The following FBXL17 variants were observed in gnomAD, a reference collection of about 807,000 sequenced individuals.
FBXL17 encodes the protein F-box and leucine rich repeat protein 17.
FBXL17 carries 22 observed loss-of-function variants against 66.2 expected under a neutral mutation model. The ratio of observed to expected loss-of-function variants is 0.33; its 90% confidence interval spans 0.24 to 0.47. The LOEUF is 0.47. FBXL17 is among the 20% of genes least tolerant of loss of function. The probability of loss-of-function intolerance (pLI) is 1.00; values close to 1 mark genes in which losing one functional copy is unlikely to be tolerated. For missense variants in FBXL17, 878 were observed against 948.2 expected (o/e 0.93, Z 0.97); for synonymous variants, 474 against 400.5 (o/e 1.18, Z -2.19).
rs1346476604 is a variant in FBXL17 at position 107,995,351 on chromosome 5, T to C, written c.1822+25574A>G. Among the ~76,000 whole-genome samples, 3 of 152,334 alleles carry C rather than the reference T, an allele frequency of 2.0e-5. No individual in the cohort carries two copies. In the East Asian group the frequency reaches 5.8e-4, roughly 29 times the overall value. On this transcript the variant is annotated intron_variant, in intron 7 of 8. Coordinates refer to ENST00000542267, the MANE Select transcript of FBXL17 (RefSeq NM_001163315.3). ...TAAAACACATGCTGTTTGAAAAATT[T>C]GGAATAATCTTGCATATGACTTAGC...
chr5:108,019,255 A>G (rs1019120026), intron 7 of FBXL17, among the ~76,000 whole-genome samples: 10 of 152,158 alleles, frequency 6.6e-5, no homozygotes, highest in African/African-American at 2.2e-4. Context: ...CCTAAGGTCA[A>G]AGAACAAAGA....
intron 6 of FBXL17, among the ~76,000 whole-genome samples, chr5:108,050,814 C>T (rs534046454): frequency 1.8e-4 from 27 of 151,638 alleles, no homozygotes; most frequent in Admixed American, 9.9e-4. Flanking sequence ...GCTAGCTAGA[C>T]TAATAAAGAA....
intron 1 of FBXL17, among the ~76,000 whole-genome samples, chr5:108,368,715 T>C (rs1203972330): frequency 1.3e-5 from 2 of 152,074 alleles, no homozygotes; most frequent in African/African-American, 4.8e-5. Context: ...CTAATAGTAA[T>C]GTACAATGCT....
chr5:108,074,012 C>A (rs905484809), intron 6 of FBXL17, among the ~76,000 whole-genome samples: 36 of 152,204 alleles, frequency 2.4e-4, no homozygotes, highest in Admixed American at 4.6e-4. Flanking sequence ...TCCACTCTCC[C>A]CCATAGCCTC....
At chr5:108,278,953 C>A (rs1561503472) in intron 4 of FBXL17, among the ~76,000 whole-genome samples, 1 of 152,188 alleles carries the variant, frequency 6.6e-6, no homozygotes, top group Non-Finnish European at 1.5e-5. Flanking sequence ...CCCAATCCAC[C>A]ACCTGGTACA....
At chr5:108,233,354 G>C (rs572981618) in intron 4 of FBXL17, among the ~76,000 whole-genome samples, 2 of 152,218 alleles carry the variant, frequency 1.3e-5, no homozygotes, top group South Asian at 4.1e-4. Flanking sequence ...TTGAAAAGAC[G>C]ATACACTATA....
intron 3 of FBXL17, among the ~76,000 whole-genome samples, chr5:108,349,594 G>A (rs1461199624): frequency 6.6e-6 from 1 of 152,130 alleles, no homozygotes; most frequent in Admixed American, 6.5e-5. Flanking sequence ...CATGAAGACA[G>A]CAGTTTGTCT....
chr5:108,025,287 A>G (rs1754759183), intron 6 of FBXL17, among the ~76,000 whole-genome samples: 1 of 152,302 alleles, frequency 6.6e-6, no homozygotes, highest in East Asian at 1.9e-4. Flanking sequence ...AAATGTCCCC[A>G]GCAGAGATGC....
chr5:108,236,003 C>T (rs1561480750), intron 4 of FBXL17, among the ~76,000 whole-genome samples: 1 of 150,628 alleles, frequency 6.6e-6, no homozygotes, highest in East Asian at 1.9e-4. Context: ...GAGAGAATTT[C>T]CAAAAAAATC....
At chr5:108,274,057 T>A (rs574434780) in intron 4 of FBXL17, among the ~76,000 whole-genome samples, 2 of 152,160 alleles carry the variant, frequency 1.3e-5, no homozygotes, top group South Asian at 4.2e-4. Flanking sequence ...TAAGAAAGAA[T>A]GAAAAATAAT....
At chr5:107,880,952 A>T in intron 8 of FBXL17, 85 bp downstream of exon 8, 1 of 1,609,208 alleles carries the variant, frequency 6.2e-7, no homozygotes, top group South Asian at 1.1e-5. Flanking sequence ...ACGGGGGTGG[A>T]GATAGAGAAG....
At chr5:107,863,613 AGT>A (rs1748194695) in intron 8 of FBXL17, among the ~76,000 whole-genome samples, 1 of 141,812 alleles carries the variant, frequency 7.1e-6, no homozygotes, top group Admixed American at 7.3e-5. Context: ...ATGATTGCTT[AGT>A]TTAATGTCTA....
intron 5 of FBXL17, among the ~76,000 whole-genome samples, chr5:108,204,197 C>T (rs1754015736): frequency 6.6e-6 from 1 of 151,774 alleles, no homozygotes. Context: ...AATATAAGGT[C>T]TTTTCTTTTT....
At chr5:108,315,377 G>T (rs1186498252) in intron 4 of FBXL17, among the ~76,000 whole-genome samples, 6 of 151,142 alleles carry the variant, frequency 4.0e-5, no homozygotes, top group Admixed American at 4.0e-4. Context: ...GCTTTTAAGC[G>T]ACAAGATGAA....
At chr5:108,025,502 G>C (rs574992246) in intron 6 of FBXL17, among the ~76,000 whole-genome samples, 2 of 152,168 alleles carry the variant, frequency 1.3e-5, no homozygotes, top group East Asian at 3.9e-4. Flanking sequence ...GGTATGTTTA[G>C]GTTGAATAAA....
chr5:108,037,249 C>T (rs1401142042), intron 6 of FBXL17, among the ~76,000 whole-genome samples: 2 of 151,866 alleles, frequency 1.3e-5, no homozygotes, highest in Non-Finnish European at 2.9e-5. Flanking sequence ...TTATAAAGTG[C>T]CATTAATTTC....
chr5:108,268,370 C>G (rs988681046), intron 4 of FBXL17, among the ~76,000 whole-genome samples: 9 of 151,836 alleles, frequency 5.9e-5, no homozygotes, highest in Non-Finnish European at 1.0e-4. Context: ...ACTTTCGAAG[C>G]ATTTTATCTC....
intron 7 of FBXL17, among the ~76,000 whole-genome samples, chr5:108,009,308 T>TATATATATAGATAGATAGATATATACAC: frequency 2.4e-5 from 1 of 42,220 alleles, no homozygotes; most frequent in African/African-American, 8.8e-5. Context: ...TATACATATA[T>TATATATATAGATAGATAGATATATACAC]ACATACACAT....
At chr5:107,979,539 G>T (rs1470351718) in intron 7 of FBXL17, among the ~76,000 whole-genome samples, 6 of 152,198 alleles carry the variant, frequency 3.9e-5, no homozygotes, top group Non-Finnish European at 5.9e-5. Context: ...TTGGAAAGCT[G>T]GTTCTCCAAG....
Sources: gnomAD v4.1 joint callset for allele counts (sites outside exome capture counted in the v4.1 genomes callset) on GRCh38, gnomAD v4.1.1 for gene constraint, MANE v1.5 for transcripts, NCBI Gene and HGNC (gene_info 2026-07-23, HGNC 2026-07-21) for gene names.